The following HSD17B4 variants were observed in gnomAD, a reference collection of about 807,000 sequenced individuals.
HSD17B4 encodes hydroxysteroid 17-beta dehydrogenase 4, also known as peroxisomal multifunctional enzyme type 2.
HSD17B4 carries 70 observed loss-of-function variants against 101.0 expected under a neutral mutation model. The ratio of observed to expected loss-of-function variants is 0.69; its 90% CI spans 0.57 to 0.85. The LOEUF is 0.85. Among genes scored for constraint, HSD17B4 ranks in the 40% least tolerant of loss-of-function variants. HSD17B4 has a pLI of 0.00. For missense variants in HSD17B4, 984 were observed against 892.4 expected (o/e 1.10, Z -1.31); for synonymous variants, 347 against 297.1 (o/e 1.17, Z -1.73).
At chr5:119,531,186 T>C (rs1328008432) in intron 21 of HSD17B4, 80 bp from the exon 22 acceptor site, 1 of 1,443,718 alleles carries the variant, frequency 6.9e-7, no homozygotes, top group Non-Finnish European at 9.7e-7. Context: ...AAATCTTTTT[T>C]TTGCACATGT....
At chr5:119,453,926 G>A (rs1754336083) in intron 1 of HSD17B4, among the ~76,000 whole-genome samples, 1 of 152,192 alleles carries the variant, frequency 6.6e-6, no homozygotes, top group Non-Finnish European at 1.5e-5. Context: ...GAGGTCCAGG[G>A]ATTACATTCT....
intron 10 of HSD17B4, chr5:119,492,511 G>C (rs543549954): frequency 1.1e-4 from 22 of 202,894 alleles, no homozygotes; most frequent in Non-Finnish European, 1.7e-4. Context: ...AAGATGGGTT[G>C]AGCCTATTCT....
At position 119,496,665 on chromosome 5, in the gene HSD17B4, T is replaced by C. The variant is rs775224227; in HGVS notation, c.972+19T>C. On this transcript the variant is annotated intron_variant, in intron 12 of 23. Transcript: ENST00000510025. The stretch of plus-strand genomic sequence containing the variant: ...AGGATTTGTAAGTGGGAAAAAAGCC[T>C]AAAGCGTTTGCCTTCTCTGGAGACT... 1 of 1,368,136 alleles carries C rather than the reference T, an allele frequency of 7.3e-7. No homozygotes were observed. Among genetic ancestry groups the C allele is most frequent in the Non-Finnish European group, 1.0e-6 (1 of 955,334 alleles). The allele number at this position is 1,368,136 out of a possible 1,614,324, so 84.7% of individuals were successfully genotyped here.
chr5:119,519,685 A>G (rs1052026452), intron 17 of HSD17B4, among the ~76,000 whole-genome samples: 3 of 152,224 alleles, frequency 2.0e-5, no homozygotes, highest in African/African-American at 7.2e-5. Flanking sequence ...TATTTCCTGG[A>G]GTATTCTTTC....
chr5:119,529,643 CTTTG>C lies in HSD17B4; in HGVS notation c.1768-239_1768-236del, dbSNP rs780010686. The stretch of plus-strand genomic sequence containing the variant: ...TGGGGGATGGGACCTCATAGGGTTT[CTTTG>C]TTTGTTTGTTTTAAAGGGCTCCAGC... On this transcript the variant is annotated intron_variant, in intron 20 of 23. Coordinates refer to ENST00000510025, the MANE Select transcript of HSD17B4 (RefSeq NM_000414.4). Among the ~76,000 whole-genome samples, 50 of 152,078 alleles carry C rather than the reference CTTTG, an allele frequency of 3.3e-4. No homozygotes were observed. In the East Asian group the frequency reaches 8.9e-3, roughly 27 times the overall value.
chr5:119,456,583 G>A (rs1156373680), intron 2 of HSD17B4: 1 of 556,236 alleles, frequency 1.8e-6, no homozygotes, highest in Non-Finnish European at 3.2e-6. Context: ...TAACAGAATT[G>A]ATAACGAAGG....
rs748602892 is a variant in HSD17B4, at chr5:119,489,241, G to A, written c.672G>A (p.Trp224Ter). 2 of 1,612,760 alleles carry A rather than the reference G, an allele frequency of 1.2e-6. No individual in the cohort carries two copies. Among genetic ancestry groups the A allele is most frequent in the Non-Finnish European group, 1.7e-6 (2 of 1,179,122 alleles). ...AGTATGTGGCACCTCTTGTCCTTTG[G>A]CTTTGTCACGAGAGTTGTGAGGAGA... ...KPEYVAPLVL[W>*]LCHESCEENG... The change falls in exon 9 of 24, where the codon TGG (tryptophan) becomes TGA (stop). Residue 224 changes from tryptophan to a stop codon, truncating the protein, a stop_gained. Transcript: ENST00000510025. LOFTEE classifies it high-confidence loss of function.
chr5:119,507,925 A>G (rs945188326), intron 15 of HSD17B4, among the ~76,000 whole-genome samples: 2 of 152,172 alleles, frequency 1.3e-5, no homozygotes, highest in African/African-American at 4.8e-5. Flanking sequence ...CAAGAACAGT[A>G]TAAAGTTTGA....
intron 2 of HSD17B4, among the ~76,000 whole-genome samples, chr5:119,463,655 CTTTTTTTTTTTTTT>C (rs57252147): frequency 6.1e-4 from 18 of 29,704 alleles, no homozygotes; most frequent in African/African-American, 9.0e-4. Context: ...ATTTATATGT[CTTTTTTTTTTTTTT>C]TTTTTTTTTT....
intron 17 of HSD17B4, among the ~76,000 whole-genome samples, chr5:119,521,039 G>T (rs890341701): frequency 6.6e-6 from 1 of 152,138 alleles, no homozygotes. Flanking sequence ...TTTTGCCAAA[G>T]CTTCTTAGTC....
chr5:119,500,612 G>T (rs538324337), intron 13 of HSD17B4, among the ~76,000 whole-genome samples: 1 of 152,006 alleles, frequency 6.6e-6, no homozygotes, highest in Non-Finnish European at 1.5e-5. Context: ...TAGCATTTAC[G>T]TGATGTTTAA....
intron 17 of HSD17B4, among the ~76,000 whole-genome samples, chr5:119,519,080 G>A (rs1015185426): frequency 6.6e-6 from 1 of 152,220 alleles, no homozygotes; most frequent in Non-Finnish European, 1.5e-5. Context: ...CGAGGCTGCA[G>A]TGAGCTGTGA....
At chr5:119,536,318 A>G in intron 22 of HSD17B4, 105 bp from the exon 23 acceptor site, 1 of 1,070,242 alleles carries the variant, frequency 9.3e-7, no homozygotes. Context: ...TAAGTGCCAC[A>G]TTAACATGGA....
intron 9 of HSD17B4, among the ~76,000 whole-genome samples, chr5:119,491,477 T>TC (rs1185990390): frequency 6.6e-6 from 1 of 150,662 alleles, no homozygotes; most frequent in African/African-American, 2.4e-5. Context: ...TTTTTTTTTT[T>TC]TTAGGATTTT....
At chr5:119,521,965 C>A (rs1229019068) in intron 17 of HSD17B4, among the ~76,000 whole-genome samples, 2 of 148,266 alleles carry the variant, frequency 1.3e-5, no homozygotes, top group African/African-American at 5.0e-5. Flanking sequence ...ACTTTAAGTT[C>A]TAGGGTACAT....
chr5:119,456,806 A>C lies in HSD17B4; in HGVS notation c.112+438A>C, dbSNP rs150118758. 6.5e-5 allele frequency: 12 copies of C among 185,302 alleles called. No individual in the cohort carries two copies. The East Asian group carries it at 1.7e-3, about 26-fold the overall frequency. The allele number at this position is 185,302 out of a possible 1,614,324, so 11.5% of individuals were successfully genotyped here. On this transcript the variant is annotated intron_variant, in intron 2 of 23. Transcript: ENST00000510025. ...TGTATAAAAGGAAATTCTTGACTTC[A>C]GTAAATTGTAGGCTGTAATTTTTTG...
intron 15 of HSD17B4, among the ~76,000 whole-genome samples, chr5:119,508,839 G>A (rs2126813025): frequency 6.6e-6 from 1 of 152,310 alleles, no homozygotes; most frequent in Non-Finnish European, 1.5e-5. Flanking sequence ...AAATGTTTAA[G>A]GTGGAAATAA....
intron 16 of HSD17B4, among the ~76,000 whole-genome samples, chr5:119,511,808 TATAATC>T (rs1276938256): frequency 6.6e-6 from 1 of 152,204 alleles, no homozygotes. Flanking sequence ...CTAGAGTTGT[TATAATC>T]TATTATCTGA....
chr5:119,534,630 TA>T (rs1393138186), intron 22 of HSD17B4, among the ~76,000 whole-genome samples: 5 of 152,082 alleles, frequency 3.3e-5, no homozygotes, highest in African/African-American at 1.2e-4. Context: ...AACTTGGATA[TA>T]AACTAAATCT....
Sources: gnomAD v4.1 joint callset for allele counts (sites outside exome capture counted in the v4.1 genomes callset) on GRCh38, gnomAD v4.1.1 for gene constraint, MANE v1.5 for transcripts, NCBI Gene and HGNC (gene_info 2026-07-23, HGNC 2026-07-21) for gene names.